SMARCD3: variants seen among roughly 807,000 people sequenced by gnomAD.
SMARCD3 encodes SWI/SNF-related matrix-associated actin-dependent regulator of chromatin subfamily D member 3.
A neutral mutation model predicts 58.0 loss-of-function variants in SMARCD3; 14 were observed. The observed-to-expected ratio is 0.24, with a 90% confidence interval of 0.16 to 0.38. SMARCD3 has a LOEUF of 0.38. Among genes scored for constraint, SMARCD3 ranks in the 10% least tolerant of loss-of-function variants. The probability of loss-of-function intolerance (pLI) is 1.00; values close to 1 mark genes in which losing one functional copy is unlikely to be tolerated. For missense variants in SMARCD3, 408 were observed against 636.9 expected (o/e 0.64, Z 3.87); for synonymous variants, 253 against 253.8 (o/e 1.00, Z 0.03).
chr7:151,247,976 C>G (rs1232400387), intron 1 of SMARCD3, among the ~76,000 whole-genome samples: 2 of 152,172 alleles, frequency 1.3e-5, no homozygotes, highest in African/African-American at 4.8e-5. Flanking sequence ...AGAGCCCTCC[C>G]GCTGGGATGC....
chr7:151,273,746 TC>T (rs1045297994), intron 2 of SMARCD3, among the ~76,000 whole-genome samples: 37 of 152,304 alleles, frequency 2.4e-4, no homozygotes, highest in Admixed American at 5.2e-4. Context: ...CAGGTGTGTT[TC>T]CTTGGTGATG....
rs1803379397 is a variant in SMARCD3, at chr7:151,248,412, C to T, written c.78+73G>A. On this transcript the variant is annotated intron_variant, in intron 1 of 12. Transcript: ENST00000262188. This position sits in a 1 kb window ranked among gnomAD's most constrained non-coding sequence, Gnocchi z 6.1. ...TGGGAGAGCGGGAGCGCCCTCCCGG[C>T]CCCTCCCGATCAGCCCTCCATTCAG... is the stretch of plus-strand genomic sequence containing the variant. 7.7e-7 allele frequency: 1 copy of T among 1,303,788 alleles called. No individual in the cohort carries two copies. The highest frequency in any genetic ancestry group is 1.5e-5 in the African/African-American group (1 of 68,494). The allele number at this position is 1,303,788 out of a possible 1,614,324, so 80.8% of individuals were successfully genotyped here.
intron 2 of SMARCD3, chr7:151,275,041 G>A (rs1427321123): frequency 1.1e-5 from 14 of 1,256,298 alleles, no homozygotes; most frequent in Non-Finnish European, 1.4e-5. Flanking sequence ...GGGAGCAGGA[G>A]CCGAGGGCTG....
At chr7:151,260,401 A>G (rs1803878888) in intron 2 of SMARCD3, among the ~76,000 whole-genome samples, 1 of 152,256 alleles carries the variant, frequency 6.6e-6, no homozygotes. Flanking sequence ...TACAAATTCT[A>G]GAAAATGTGC....
At chr7:151,251,913 G>A (rs961710179), upstream of SMARCD3, among the ~76,000 whole-genome samples, 6 of 146,276 alleles carry the variant, frequency 4.1e-5, no homozygotes, top group Non-Finnish European at 9.1e-5. Flanking sequence ...GAGCTGGGGG[G>A]GCTCGGGCCG....
At chr7:151,254,960 C>A (rs747259023) in intron 2 of SMARCD3, among the ~76,000 whole-genome samples, 1 of 152,184 alleles carries the variant, frequency 6.6e-6, no homozygotes, top group African/African-American at 2.4e-5. Context: ...CAAATGGCAG[C>A]GGGCAGTGGG....
At chr7:151,271,203 A>G (rs1795165034) in intron 2 of SMARCD3, among the ~76,000 whole-genome samples, 2 of 152,154 alleles carry the variant, frequency 1.3e-5, no homozygotes, top group South Asian at 4.1e-4. Flanking sequence ...CACCAGCCGC[A>G]CAATCCCTTT....
At chr7:151,252,440 T>TGTGTGTGTGA (rs139159274), upstream of SMARCD3, among the ~76,000 whole-genome samples, 1 of 149,412 alleles carries the variant, frequency 6.7e-6, no homozygotes, top group African/African-American at 2.5e-5. Context: ...TGTGTGTGTG[T>TGTGTGTGTGA]GAGAGAGAGA....
At chr7:151,256,792 A>G (rs1274860590) in intron 2 of SMARCD3, among the ~76,000 whole-genome samples, 1 of 152,082 alleles carries the variant, frequency 6.6e-6, no homozygotes, top group African/African-American at 2.4e-5. Context: ...GAAGCTTCCG[A>G]AGAACTTCCA....
rs1195747032 is a variant in SMARCD3 at position 151,246,111 on chromosome 7, G to T, written c.79-440C>A. On this transcript the variant is annotated intron_variant, in intron 1 of 12. Coordinates refer to ENST00000262188, the MANE Select transcript of SMARCD3 (RefSeq NM_001003801.2). This position sits in a 1 kb window ranked among gnomAD's most constrained non-coding sequence, Gnocchi z 4.4. ...TCGCCAAGGTCACACAGCTCATCCT[G>T]GCCCAGGCAGCCCCTGAAGGGCTGC... 6.6e-6 allele frequency: 1 copy of T among 152,392 alleles called. No homozygotes were observed. The highest frequency in any genetic ancestry group is 1.5e-5 in the Non-Finnish European group (1 of 68,248). The allele number at this position is 152,392 out of a possible 1,614,324, so 9.4% of individuals were successfully genotyped here.
intron 2 of SMARCD3, among the ~76,000 whole-genome samples, chr7:151,260,092 A>G (rs924775702): frequency 6.6e-6 from 1 of 152,172 alleles, no homozygotes; most frequent in Non-Finnish European, 1.5e-5. Flanking sequence ...TGACTTGCCA[A>G]AATTCACTGT....
chr7:151,270,835 G>C (rs1038001059), intron 2 of SMARCD3, among the ~76,000 whole-genome samples: 1 of 152,206 alleles, frequency 6.6e-6, no homozygotes, highest in African/African-American at 2.4e-5. Context: ...ACTCAGATGG[G>C]GGCAGAAGAT....
In SMARCD3 at chr7:151,265,510, C is replaced by G. The variant is rs1804052527; in HGVS notation, c.39+9604G>C. The stretch of plus-strand genomic sequence containing the variant: ...TTGGGGTGGCCCTAGTGACCCAACA[C>G]CCCCACAGCTCTGCTCTTCAGGACT... On this transcript the variant is annotated intron_variant, in intron 2 of 13. Coordinates refer to the SMARCD3 transcript ENST00000356800. Among the ~76,000 whole-genome samples the G allele has an allele frequency of 2.6e-5, 4 of 152,334 alleles. No homozygotes were observed. The South Asian group carries it at 8.3e-4, about 32-fold the overall frequency.
In SMARCD3 at chr7:151,242,163, A is replaced by G; in HGVS notation, c.649T>C (p.Tyr217His). ...TCAACGAGGTGGTTGTCAGGGCCATAAAGATCTTTGTCCAGCTCGATGACC... is the reference window on the plus strand; with the variant it reads ...TCAACGAGGTGGTTGTCAGGGCCATGAAGATCTTTGTCCAGCTCGATGACC... Reference protein sequence around the residue: ...SLVIELDKDLYGPDNHLVEWH... With the variant: ...SLVIELDKDLHGPDNHLVEWH... The change falls in exon 6 of 13, where the codon TAT (tyrosine) becomes CAT (histidine). Residue 217 changes from tyrosine (Y) to histidine (H), a missense_variant. Coordinates refer to ENST00000262188, the MANE Select transcript of SMARCD3 (RefSeq NM_001003801.2). The surrounding 1 kb of genome is among the most constrained non-coding windows in gnomAD (Gnocchi z 4.7). 6.2e-7 allele frequency: 1 copy of G among 1,613,950 alleles called. No individual in the cohort carries two copies. The highest frequency in any genetic ancestry group is 8.5e-7 in the Non-Finnish European group (1 of 1,179,818).
At chr7:151,251,588 C>T (rs1390050172), upstream of SMARCD3, among the ~76,000 whole-genome samples, 1 of 152,132 alleles carries the variant, frequency 6.6e-6, no homozygotes, top group Non-Finnish European at 1.5e-5. Flanking sequence ...CAGAAGGGCG[C>T]TCGGTGTGCC....
intron 2 of SMARCD3, among the ~76,000 whole-genome samples, chr7:151,271,611 C>T (rs748606058): frequency 6.6e-6 from 1 of 152,032 alleles, no homozygotes; most frequent in Non-Finnish European, 1.5e-5. Context: ...TTAAATAAAC[C>T]TTCCTGCTGC....
chr7:151,252,456 CGAGAGAACGCGAGAGGAGAGGGAGA>C (rs1803556514), upstream of SMARCD3, among the ~76,000 whole-genome samples: 1 of 131,204 alleles, frequency 7.6e-6, no homozygotes, highest in African/African-American at 2.7e-5. Context: ...AGAGAGAGAG[CGAGAGAACGCGAGAGGAGAGGGAGA>C]GAGAGAAAGA....
chr7:151,274,572 C>T (rs944602999), intron 2 of SMARCD3, among the ~76,000 whole-genome samples: 5 of 152,248 alleles, frequency 3.3e-5, no homozygotes, highest in East Asian at 1.9e-4. Flanking sequence ...CTGCCACAAG[C>T]GGAACCCTGC....
In SMARCD3 at chr7:151,240,413, G is replaced by T. The variant is rs1373243998; in HGVS notation, c.1037+12C>A. ...ATTCCCTGGTCTGAGAAGCAAGCTGGGGCCACCTCACCTGATGACATGGTT... is the reference window on the plus strand; with the variant it reads ...ATTCCCTGGTCTGAGAAGCAAGCTGTGGCCACCTCACCTGATGACATGGTT... On this transcript the variant is annotated intron_variant, in intron 9 of 12. Transcript: ENST00000262188. 1 of 1,610,118 alleles carries T rather than the reference G, an allele frequency of 6.2e-7. No homozygotes were observed. The highest frequency in any genetic ancestry group is 1.7e-5 in the Admixed American group (1 of 59,940).
Sources: allele counts gnomAD v4.1 joint callset (sites outside exome capture counted in the v4.1 genomes callset), GRCh38; gene constraint gnomAD v4.1.1; non-coding constraint Gnocchi (gnomAD v3.1); transcripts MANE v1.5; gene names NCBI Gene and HGNC (gene_info 2026-07-23, HGNC 2026-07-21).